Variants in TEKT2 observed in about 807,000 individuals in gnomAD.
The protein encoded by TEKT2 is tektin-2.
A neutral mutation model predicts 49.8 loss-of-function variants in TEKT2; 45 were observed. The ratio of observed to expected loss-of-function variants is 0.90; its 90% CI spans 0.71 to 1.16. The LOEUF is 1.16. TEKT2 is among the 50% of genes most tolerant of loss of function. The pLI is 0.00. For missense variants in TEKT2, 523 were observed against 551.4 expected (o/e 0.95, Z 0.52); for synonymous variants, 202 against 224.6 (o/e 0.90, Z 0.90).
At position 36,087,319 on chromosome 1, in the gene TEKT2, T is replaced by C. The variant is rs1360709135; in HGVS notation, c.855+8T>C. 6.2e-7 allele frequency: 1 copy of C among 1,613,934 alleles called. No individual in the cohort carries two copies. The highest frequency in any genetic ancestry group is 8.5e-7 in the Non-Finnish European group (1 of 1,179,988). On this transcript the variant is annotated splice_region_variant and intron_variant, in intron 7 of 9. Transcript: ENST00000207457. This position sits in a 1 kb window ranked among gnomAD's most constrained non-coding sequence, Gnocchi z 4.9. Reference sequence around the variant, plus strand: ...AAGTGGCAAGAGAAGAATGTGAGCATCTCCAGGGGCCTGGACTTCCTGCTG... The same window carrying C: ...AAGTGGCAAGAGAAGAATGTGAGCACCTCCAGGGGCCTGGACTTCCTGCTG...
rs1643340168 is a variant in TEKT2 at position 36,084,802 on chromosome 1, T to G, written c.-52-68T>G. 1 of 1,471,670 alleles carries G rather than the reference T, an allele frequency of 6.8e-7. No homozygotes were observed. Among genetic ancestry groups the G allele is most frequent in the Non-Finnish European group, 9.5e-7 (1 of 1,055,710 alleles). The allele number at this position is 1,471,670 out of a possible 1,614,324, so 91.2% of individuals were successfully genotyped here. ...GAGCAAAATGGACAGGAACAAGTCC[T>G]GCGCAGGGGGCGTGTGATCCAGGAG... is the stretch of plus-strand genomic sequence containing the variant. On this transcript the variant is annotated intron_variant, in intron 1 of 9. Transcript: ENST00000207457. This position sits in a 1 kb window ranked among gnomAD's most constrained non-coding sequence, Gnocchi z 4.1.
Position 36,084,832 on chromosome 1 carries a change from C to G in TEKT2, c.-52-38C>G. On this transcript the variant is annotated intron_variant, in intron 1 of 9. Coordinates refer to ENST00000207457, the MANE Select transcript of TEKT2 (RefSeq NM_014466.3). The surrounding 1 kb of genome is among the most constrained non-coding windows in gnomAD (Gnocchi z 4.1). ...AGGGGGCGTGTGATCCAGGAGGTCT[C>G]CGGAAAGGTCTCCCGCAGCAGTGTT... 6.3e-7 allele frequency: 1 copy of G among 1,596,444 alleles called. No homozygotes were observed. Among genetic ancestry groups the G allele is most frequent in the South Asian group, 1.1e-5 (1 of 89,964 alleles).
At chr1:36,085,507 C>CTTTTTTTTTTT (rs1159834731) in intron 3 of TEKT2, among the ~76,000 whole-genome samples, 34 of 82,552 alleles carry the variant, frequency 4.1e-4, no homozygotes, top group African/African-American at 6.3e-4. Context: ...TCTTTCTTTT[C>CTTTTTTTTTTT]TTTTTTTTTT....
In TEKT2 at chr1:36,084,955, T is replaced by C. The variant is rs942820738; in HGVS notation, c.34T>C (p.Phe12Leu). The C allele has an allele frequency of 4.3e-6, 7 of 1,613,960 alleles. No homozygotes were observed. Among genetic ancestry groups the C allele is most frequent in the Non-Finnish European group, 5.9e-6 (7 of 1,180,044 alleles). ...ATLSVKPSRR[F>L]QLPDWHTNSY... ...GCTGAGCGTCAAGCCAAGTCGGCGC[T>C]TCCAGCTGCCCGACTGGCACACTAA... Residue 12 changes from phenylalanine (F) to leucine (L), a missense_variant, in exon 2 of 10, where the codon TTC (phenylalanine) becomes CTC (leucine). Phe to Leu is a conservative substitution (Grantham distance 22). Coordinates refer to ENST00000207457, the MANE Select transcript of TEKT2 (RefSeq NM_014466.3). The surrounding 1 kb of genome is among the most constrained non-coding windows in gnomAD (Gnocchi z 4.1).
At position 36,086,846 on chromosome 1, in the gene TEKT2, G is replaced by C; in HGVS notation, c.631G>C (p.Gly211Arg). The change falls in exon 5 of 10, where the codon GGC becomes CGC. Residue 211 changes from glycine to arginine, a missense_variant and splice_region_variant. Gly to Arg is a moderately radical substitution (Grantham distance 125, BLOSUM62 -2). Coordinates refer to ENST00000207457, the MANE Select transcript of TEKT2 (RefSeq NM_014466.3). ...GGTTGACCCCACACGTGTACCTGAT[G>C]GGTAAGAAGAGTGTTTCAGCCAGTC... ...LKVDPTRVPD[G>R]STTLQQWDDF... 6.2e-7 allele frequency: 1 copy of C among 1,614,086 alleles called. No individual in the cohort carries two copies. The highest frequency in any genetic ancestry group is 8.5e-7 in the Non-Finnish European group (1 of 1,180,020).
At chr1:36,086,178 A>C (rs577598580) in intron 4 of TEKT2, 137 bp downstream of exon 4, 5 of 914,444 alleles carry the variant, frequency 5.5e-6, no homozygotes, top group Admixed American at 4.0e-5. Flanking sequence ...TGTGACAGAA[A>C]CCACTAATCA....
Position 36,087,818 on chromosome 1 carries a change from G to A in TEKT2, c.1079+11G>A, listed in dbSNP as rs1488180356. 1 of 1,613,288 alleles carries A rather than the reference G, an allele frequency of 6.2e-7. No homozygotes were observed. Among genetic ancestry groups the A allele is most frequent in the Non-Finnish European group, 8.5e-7 (1 of 1,179,908 alleles). ...GCTGGCGCAAGCACAGTAGGTCTCG[G>A]GAGTGGGCGGAAGGAGCAGTGAGAC... On this transcript the variant is annotated intron_variant, in intron 9 of 9. Coordinates refer to ENST00000207457, the MANE Select transcript of TEKT2 (RefSeq NM_014466.3). This position sits in a 1 kb window ranked among gnomAD's most constrained non-coding sequence, Gnocchi z 4.9.
In TEKT2 at chr1:36,085,847, A is replaced by C. The variant is rs1233118385; in HGVS notation, c.294A>C (p.Ser98=). The change falls in exon 4 of 10, where the codon TCA becomes TCC. Residue 98 remains serine, a synonymous_variant. Transcript: ENST00000207457. ...EIDALTQMKE[S]AEQNLQAKNL... Reference sequence around the variant, plus strand: ...GCCCTCTTTTCTAGATGAAGGAGTCAGCAGAGCAAAACCTGCAGGCCAAGA... The same window carrying C: ...GCCCTCTTTTCTAGATGAAGGAGTCCGCAGAGCAAAACCTGCAGGCCAAGA... The C allele has an allele frequency of 6.2e-7, 1 of 1,613,706 alleles. No individual in the cohort carries two copies. The highest frequency in any genetic ancestry group is 2.2e-5 in the East Asian group (1 of 44,878).
In TEKT2 at chr1:36,086,684, G is replaced by A. The variant is rs371833022; in HGVS notation, c.489-20G>A. 6.8e-6 allele frequency: 11 copies of A among 1,613,818 alleles called. No individual in the cohort carries two copies. Among genetic ancestry groups the A allele is most frequent in the African/African-American group, 4.0e-5 (3 of 74,842 alleles). ...CTGGCCCTTGGGGGATGGTCCTGAT[G>A]GAGTCTGCGCTTTCCCCAGCCTCTT... On this transcript the variant is annotated intron_variant, in intron 4 of 9. Coordinates refer to ENST00000207457, the MANE Select transcript of TEKT2 (RefSeq NM_014466.3).
At position 36,085,312 on chromosome 1, in the gene TEKT2, C is replaced by T. The variant is rs200248548; in HGVS notation, c.282+24C>T. 250 of 1,613,206 alleles carry T rather than the reference C, an allele frequency of 1.5e-4. No individual in the cohort carries two copies. The African/African-American group carries it at 2.9e-3, about 19-fold the overall frequency. On this transcript the variant is annotated intron_variant, in intron 3 of 9. Coordinates refer to ENST00000207457, the MANE Select transcript of TEKT2 (RefSeq NM_014466.3). ...AGGCAGGGATCCAGGACTGGGTGCCCGGGGGCTGCTGCCGAAACCTCCCCT... is the reference window on the plus strand; with the variant it reads ...AGGCAGGGATCCAGGACTGGGTGCCTGGGGGCTGCTGCCGAAACCTCCCCT...
Position 36,088,019 on chromosome 1 carries a change from G to A in TEKT2, c.1126G>A (p.Asp376Asn), listed in dbSNP as rs760133545. The change falls in exon 10 of 10, where the codon GAC becomes AAC. Residue 376 changes from aspartate to asparagine, a missense_variant. Physicochemically the swap from Asp to Asn is conservative, Grantham distance 23. Transcript: ENST00000207457. ...CAAGCACCTGGCCCGGCTGCAGGCT[G>A]ACATTGCCTGCAAGGCCAACTCCAT... The part of the protein sequence containing the change: ...LCKHLARLQA[D>N]IACKANSMLL... The A allele has an allele frequency of 1.2e-6, 2 of 1,612,418 alleles. No homozygotes were observed. The highest frequency in any genetic ancestry group is 1.7e-6 in the Non-Finnish European group (2 of 1,179,700).
At chr1:36,085,811 T>C (rs1016907023) in intron 3 of TEKT2, 25 bp from the exon 4 acceptor site, 3 of 1,607,376 alleles carry the variant, frequency 1.9e-6, no homozygotes, top group Non-Finnish European at 2.5e-6. Flanking sequence ...TGAGCCACCG[T>C]GCCCGGCCGC....
chr1:36,087,383 G>C lies in TEKT2; in HGVS notation c.856-56G>C. 6.2e-7 allele frequency: 1 copy of C among 1,613,858 alleles called. No homozygotes were observed. The highest frequency in any genetic ancestry group is 8.5e-7 in the Non-Finnish European group (1 of 1,179,988). On this transcript the variant is annotated intron_variant, in intron 7 of 9. Transcript: ENST00000207457. The surrounding 1 kb of genome is among the most constrained non-coding windows in gnomAD (Gnocchi z 4.9). The stretch of plus-strand genomic sequence containing the variant: ...CGCATGCCCCCGCCAGGAGGCACTG[G>C]ACCAGGCATGCACGTGAGTCCAGCA...
At position 36,087,403 on chromosome 1, in the gene TEKT2, C is replaced by A; in HGVS notation, c.856-36C>A. 1 of 1,613,880 alleles carries A rather than the reference C, an allele frequency of 6.2e-7. No homozygotes were observed. Among genetic ancestry groups the A allele is most frequent in the Non-Finnish European group, 8.5e-7 (1 of 1,180,022 alleles). On this transcript the variant is annotated intron_variant, in intron 7 of 9. Coordinates refer to ENST00000207457, the MANE Select transcript of TEKT2 (RefSeq NM_014466.3). The surrounding 1 kb of genome is among the most constrained non-coding windows in gnomAD (Gnocchi z 4.9). ...CACTGGACCAGGCATGCACGTGAGT[C>A]CAGCAGGTGGAAACCAGTCACTCTG...
chr1:36,088,188 C>T lies in TEKT2; in HGVS notation c.*2C>T, dbSNP rs761250827. The T allele has an allele frequency of 1.4e-6, 2 of 1,452,122 alleles. No individual in the cohort carries two copies. The highest frequency in any genetic ancestry group is 1.9e-6 in the Non-Finnish European group (2 of 1,057,392). 90.0% of individuals were successfully genotyped at this position (1,452,122 alleles called of 1,614,324 possible). ...AGCTGCCAGCTGGAGCTGGCCTAGCCTTGGAGGACTGCAGGAGGAGGGCAG... is the reference window on the plus strand; with the variant it reads ...AGCTGCCAGCTGGAGCTGGCCTAGCTTTGGAGGACTGCAGGAGGAGGGCAG... On this transcript the variant is annotated 3_prime_UTR_variant, in exon 10 of 10. Coordinates refer to ENST00000207457, the MANE Select transcript of TEKT2 (RefSeq NM_014466.3).
chr1:36,088,045 G>A lies in TEKT2; in HGVS notation c.1152G>A (p.Met384Ile). 6.2e-7 allele frequency: 1 copy of A among 1,612,924 alleles called. No individual in the cohort carries two copies. The highest frequency in any genetic ancestry group is 8.5e-7 in the Non-Finnish European group (1 of 1,179,834). ...QADIACKANS[M>I]LLDTKCMDTR... The stretch of plus-strand genomic sequence containing the variant: ...ACATTGCCTGCAAGGCCAACTCCAT[G>A]CTGCTGGACACCAAGTGCATGGACA... The change falls in exon 10 of 10, where the codon ATG becomes ATA. Residue 384 changes from methionine to isoleucine, a missense_variant. Physicochemically the swap from Met to Ile is conservative, Grantham distance 10 (BLOSUM62 1). Coordinates refer to ENST00000207457, the MANE Select transcript of TEKT2 (RefSeq NM_014466.3).
rs1481597400 is a variant in TEKT2, at chr1:36,085,215, CT to C, written c.210del (p.Val71SerfsTer12). 1.9e-6 allele frequency: 3 copies of C among 1,614,218 alleles called. No individual in the cohort carries two copies. The highest frequency in any genetic ancestry group is 1.6e-4 in the Middle Eastern group (1 of 6,062). On this transcript the variant is annotated frameshift_variant, in exon 3 of 10. Coordinates refer to ENST00000207457, the MANE Select transcript of TEKT2 (RefSeq NM_014466.3). LOFTEE classifies it high-confidence loss of function. The part of the protein sequence containing the change: ...NRTRLVERID[T>X]VNRWKEMLDK... ...ACTCGACTGGTGGAGAGGATTGATA[CT>C]GTCAACCGGTGGAAGGAGATGCTGG...
In TEKT2 at chr1:36,088,245, G is replaced by T. The variant is rs569574819; in HGVS notation, c.*59G>T. On this transcript the variant is annotated 3_prime_UTR_variant, in exon 10 of 10. Transcript: ENST00000207457. ...GTGGGCAATGGAAGGAGGGAGGAGA[G>T]AAATGAATGGAATAAATGCAGAGGA... 2.8e-6 allele frequency: 4 copies of T among 1,426,950 alleles called. No homozygotes were observed. The Admixed American group carries it at 5.6e-5, about 20-fold the overall frequency. 88.4% of individuals were successfully genotyped at this position (1,426,950 alleles called of 1,614,324 possible).
chr1:36,085,326 G>A lies in TEKT2; in HGVS notation c.282+38G>A, dbSNP rs193088181. On this transcript the variant is annotated intron_variant, in intron 3 of 9. Transcript: ENST00000207457. ...GACTGGGTGCCCGGGGGCTGCTGCC[G>A]AAACCTCCCCTCCTTCCCCACAGCT... is the stretch of plus-strand genomic sequence containing the variant. 1,519 of 1,612,576 alleles carry A rather than the reference G, an allele frequency of 9.4e-4. 14 individuals are homozygous for A. In the African/African-American group the frequency reaches 0.015, roughly 16 times the overall value.
Sources: allele counts gnomAD v4.1 joint callset (sites outside exome capture counted in the v4.1 genomes callset), GRCh38; gene constraint gnomAD v4.1.1; non-coding constraint Gnocchi (gnomAD v3.1); transcripts MANE v1.5; gene names NCBI Gene and HGNC (gene_info 2026-07-23, HGNC 2026-07-21).